MLC1: variants seen among roughly 807,000 people sequenced by gnomAD.
MLC1 encodes the protein modulator of VRAC current 1, also known as membrane protein MLC1.
A neutral mutation model predicts 44.7 loss-of-function variants in MLC1; 32 were observed. That is an observed-to-expected ratio of 0.72 (90% CI 0.54 to 0.96). The LOEUF (loss-of-function observed/expected upper bound fraction) is 0.96. Ranked by LOEUF, MLC1 falls within the 40% of genes least tolerant of loss-of-function variation. MLC1 has a pLI of 0.00. For synonymous variants in MLC1, 190 were observed against 213.0 expected, an observed-to-expected ratio of 0.89 and a Z score of 0.94; for missense variants, 459 against 492.2, an observed-to-expected ratio of 0.93 and a Z score of 0.64.
chr22:50,081,009 A>AACAGAAAGAAAGAAAGAAAGAAAG (rs1555967989), intron 3 of MLC1, among the ~76,000 whole-genome samples: 1 of 96,740 alleles, frequency 1.0e-5, no homozygotes, highest in African/African-American at 4.5e-5. Flanking sequence ...TTGTCTCAAA[A>AACAGAAAGAAAGAAAGAAAGAAAG]AAAGAAAGAA....
intron 5 of MLC1, among the ~76,000 whole-genome samples, chr22:50,078,994 G>A (rs2062049665): frequency 6.6e-6 from 1 of 151,880 alleles, no homozygotes; most frequent in South Asian, 2.1e-4. Context: ...TAATAAAGAA[G>A]CGTCACAGGC....
intron 10 of MLC1, among the ~76,000 whole-genome samples, chr22:50,067,272 G>A (rs902766518): frequency 7.3e-5 from 11 of 151,716 alleles, no homozygotes; most frequent in Non-Finnish European, 1.6e-4. Flanking sequence ...TCCCCCTTCA[G>A]ACAGTGACTC....
chr22:50,079,770 G>A, intron 5 of MLC1, 148 bp downstream of exon 5: 1 of 728,932 alleles, frequency 1.4e-6, no homozygotes. Context: ...ATTTTCTTTG[G>A]ATGCATAAAT....
At chr22:50,067,522 CCT>C (rs2061733724) in intron 10 of MLC1, among the ~76,000 whole-genome samples, 1 of 116,916 alleles carries the variant, frequency 8.6e-6, no homozygotes, top group Non-Finnish European at 1.8e-5. Flanking sequence ...ACTCCATCCC[CCT>C]GTCAGGCAGT....
intron 3 of MLC1, 135 bp from the exon 4 acceptor site, chr22:50,080,532 T>C (rs1192764848): frequency 6.1e-6 from 6 of 975,976 alleles, no homozygotes; most frequent in Middle Eastern, 4.1e-4. Context: ...TGCAACACAG[T>C]GGGTTGGCTT....
chr22:50,064,212 G>A lies in MLC1; in HGVS notation c.895-14C>T, dbSNP rs780063875. On this transcript the variant is annotated splice_polypyrimidine_tract_variant and intron_variant, in intron 10 of 11. Transcript: ENST00000311597. ...ATCGTAGGATGGCTGCAGGCGGAAG[G>A]AGGTGTGAGCAGAGTGGCCCAGCCG... 1.3e-6 allele frequency: 2 copies of A among 1,584,244 alleles called. No individual in the cohort carries two copies. Among genetic ancestry groups the A allele is most frequent in the Admixed American group, 3.5e-5 (2 of 57,690 alleles).
rs1199460229 is a variant in MLC1 at position 50,083,078 on chromosome 22, G to C, written c.267+6C>G. On this transcript the variant is annotated splice_donor_region_variant and intron_variant, in intron 3 of 11. Coordinates refer to ENST00000311597, the MANE Select transcript of MLC1 (RefSeq NM_015166.4). This position sits in a 1 kb window ranked among gnomAD's most constrained non-coding sequence, Gnocchi z 4.6. ...CACTGGCAGAGGCGTGGAGGAAGCT[G>C]CTTACAGAGCCTGCAGCACAGCGCA... is the stretch of plus-strand genomic sequence containing the variant. The C allele has an allele frequency of 2.5e-6, 4 of 1,613,736 alleles. No homozygotes were observed. In the South Asian group the frequency reaches 4.4e-5, roughly 18 times the overall value.
At position 50,061,469 on chromosome 22, in the gene MLC1, C is replaced by A; in HGVS notation, c.*114G>T. The A allele has an allele frequency of 8.5e-7, 1 of 1,172,870 alleles. No individual in the cohort carries two copies. Among genetic ancestry groups the A allele is most frequent in the Non-Finnish European group, 1.3e-6 (1 of 791,934 alleles). 72.7% of individuals were successfully genotyped at this position (1,172,870 alleles called of 1,614,324 possible). ...AAACCCCACCTGCAGCCTGGTTTGC[C>A]CTCACACAAGGGAAAAGAGGTGTTA... On this transcript the variant is annotated 3_prime_UTR_variant, in exon 12 of 12. Coordinates refer to ENST00000311597, the MANE Select transcript of MLC1 (RefSeq NM_015166.4).
chr22:50,075,438 A>G (rs998712066), intron 7 of MLC1, among the ~76,000 whole-genome samples: 6 of 152,166 alleles, frequency 3.9e-5, no homozygotes, highest in African/African-American at 9.7e-5. Context: ...CCAGCCAGGC[A>G]CGGCGGCTCA....
chr22:50,071,122 T>C (rs555246587), intron 8 of MLC1, among the ~76,000 whole-genome samples: 31 of 152,130 alleles, frequency 2.0e-4, no homozygotes, highest in Non-Finnish European at 4.3e-4. Context: ...CTCCTTTTTT[T>C]TTTTAAGATG....
chr22:50,072,413 C>G (rs1051992880), intron 8 of MLC1, among the ~76,000 whole-genome samples: 3 of 152,248 alleles, frequency 2.0e-5, no homozygotes, highest in African/African-American at 4.8e-5. Context: ...GGGTCCCTCA[C>G]CACGCATGCC....
intron 11 of MLC1, 151 bp from the exon 12 acceptor site, chr22:50,061,808 T>C (rs2061564787): frequency 4.1e-6 from 3 of 727,450 alleles, no homozygotes; most frequent in Middle Eastern, 4.8e-4. Context: ...CCTGGGCCTC[T>C]GTGGAAAGAG....
intron 10 of MLC1, among the ~76,000 whole-genome samples, chr22:50,064,521 C>A (rs2061662389): frequency 6.6e-6 from 1 of 152,212 alleles, no homozygotes; most frequent in South Asian, 2.1e-4. Context: ...ACGCGCAAGG[C>A]TCAGTCCCAG....
At chr22:50,068,681 T>C in intron 9 of MLC1, 126 bp from the exon 10 acceptor site, 2 of 1,049,838 alleles carry the variant, frequency 1.9e-6, no homozygotes, top group African/African-American at 1.6e-5. Context: ...GCTGGTTCCC[T>C]GCATGACTCC....
intron 8 of MLC1, 144 bp downstream of exon 8, chr22:50,074,072 G>A (rs2061921387): frequency 1.4e-6 from 1 of 691,084 alleles, no homozygotes; most frequent in Non-Finnish European, 2.7e-6. Flanking sequence ...TAACTCCCCA[G>A]TTCTTCTGAA....
intron 10 of MLC1, 99 bp downstream of exon 10, chr22:50,068,334 G>T: frequency 6.6e-7 from 1 of 1,521,692 alleles, no homozygotes. Flanking sequence ...GCTGTCCCTG[G>T]AGCCAGCGCC....
In MLC1 at chr22:50,083,105, G is replaced by A. The variant is rs373531536; in HGVS notation, c.246C>T (p.Tyr82=). 6.2e-7 allele frequency: 1 copy of A among 1,614,026 alleles called. No homozygotes were observed. Among genetic ancestry groups the A allele is most frequent in the African/African-American group, 1.3e-5 (1 of 74,922 alleles). The change falls in exon 3 of 12, where the codon TAC becomes TAT. Residue 82 remains tyrosine, a synonymous_variant. Coordinates refer to ENST00000311597, the MANE Select transcript of MLC1 (RefSeq NM_015166.4). This position sits in a 1 kb window ranked among gnomAD's most constrained non-coding sequence, Gnocchi z 4.6. ...TTACAGAGCCTGCAGCACAGCGCAA[G>A]TAATCCATCTCAGCCGGGAACACGT... The part of the protein sequence containing the change: ...LGNVFPAEMD[Y]LRCAAGSCIP...
chr22:50,061,770 G>A (rs2061563918), intron 11 of MLC1, 113 bp from the exon 12 acceptor site: 4 of 955,650 alleles, frequency 4.2e-6, no homozygotes, highest in South Asian at 1.3e-5. Context: ...AGTTTTCTTC[G>A]AATGTGAAGG....
chr22:50,070,588 G>T lies in MLC1; in HGVS notation c.715-5C>A, dbSNP rs751850836. On this transcript the variant is annotated splice_region_variant and splice_polypyrimidine_tract_variant and intron_variant, in intron 8 of 11. Transcript: ENST00000311597. ...GGCAATGGCACTTGGAAAGCACTAA[G>T]AGAAAAGAAAAAGGAAAGATTTTAG... The T allele has an allele frequency of 2.2e-5, 34 of 1,559,760 alleles. No homozygotes were observed. In the South Asian group the frequency reaches 4.0e-4, roughly 18 times the overall value.
Sources: allele counts gnomAD v4.1 joint callset (sites outside exome capture counted in the v4.1 genomes callset), GRCh38; gene constraint gnomAD v4.1.1; non-coding constraint Gnocchi (gnomAD v3.1); transcripts MANE v1.5; gene names NCBI Gene and HGNC (gene_info 2026-07-23, HGNC 2026-07-21).